Variants in NFIC observed in about 807,000 individuals in gnomAD.
NFIC encodes nuclear factor 1 C-type.
A neutral mutation model predicts 54.4 loss-of-function variants in NFIC; 12 were observed. That is an observed-to-expected ratio of 0.22 (90% CI 0.14 to 0.36). The LOEUF is 0.36. Ranked by LOEUF, NFIC falls within the 10% of genes least tolerant of loss-of-function variation. The pLI, the probability that NFIC is intolerant of heterozygous loss-of-function variation, is 1.00. For synonymous variants in NFIC, 322 were observed against 319.2 expected, an observed-to-expected ratio of 1.01 and a Z score of -0.09; for missense variants, 575 against 718.2, an observed-to-expected ratio of 0.80 and a Z score of 2.28.
Position 3,462,677 on chromosome 19 carries a change from C to G in NFIC, c.1510-75C>G. On this transcript the variant is annotated intron_variant, in intron 10 of 10. Transcript: ENST00000443272. ...GAGCGTGGGAAGAGGTAAACCATGTCTGCAGCAGAGTCTGACCCCTCGACT... is the reference window on the plus strand; with the variant it reads ...GAGCGTGGGAAGAGGTAAACCATGTGTGCAGCAGAGTCTGACCCCTCGACT... The G allele has an allele frequency of 3.9e-6, 6 of 1,529,752 alleles. No homozygotes were observed. The South Asian group carries it at 6.7e-5, about 17-fold the overall frequency. 94.8% of individuals were successfully genotyped at this position (1,529,752 alleles called of 1,614,324 possible).
rs35615324 is a variant in NFIC, at chr19:3,371,937, TTCCC to T, written c.30+5287_30+5290del. On this transcript the variant is annotated intron_variant, in intron 1 of 10. Transcript: ENST00000443272. Reference sequence around the variant, plus strand: ...CTTCCTTCCTTCCTTCCTTCCTTCCTTCCCTCCCTCCCTCCCTCCTTCCTTCTTT... The same window carrying T: ...CTTCCTTCCTTCCTTCCTTCCTTCCTTCCCTCCCTCCCTCCTTCCTTCTTT... Among the ~76,000 whole-genome samples the T allele has an allele frequency of 2.2e-3, 197 of 87,728 alleles. 1 individual carries two copies. The highest frequency in any genetic ancestry group is 0.01 in the Middle Eastern group (2 of 192). The allele number at this position is 87,728 out of a possible 152,430, so 57.6% of individuals were successfully genotyped here.
At chr19:3,425,931 T>A (rs1295527360) in intron 3 of NFIC, among the ~76,000 whole-genome samples, 98 of 122,106 alleles carry the variant, frequency 8.0e-4, no homozygotes, top group Non-Finnish European at 1.4e-3. Flanking sequence ...TTTTTTTTTT[T>A]TTTTTTTTTT....
upstream of NFIC, chr19:3,366,568 T>TGGGGGGGGGGGGG: frequency 1.0e-6 from 1 of 968,812 alleles, no homozygotes; most frequent in Non-Finnish European, 1.5e-6. Flanking sequence ...GGGGGGTGGT[T>TGGGGGGGGGGGGG]TGGAAAAATG....
At chr19:3,441,949 A>T (rs1344510600) in intron 6 of NFIC, among the ~76,000 whole-genome samples, 1 of 151,998 alleles carries the variant, frequency 6.6e-6, no homozygotes, top group Non-Finnish European at 1.5e-5. Context: ...GCCACTCATT[A>T]AGGGGGTTAA....
intron 2 of NFIC, among the ~76,000 whole-genome samples, chr19:3,423,270 A>G (rs1249280754): frequency 6.6e-6 from 1 of 152,146 alleles, no homozygotes; most frequent in Non-Finnish European, 1.5e-5. Context: ...GAGGTCTCCA[A>G]ATGCCCTCAA....
intron 1 of NFIC, among the ~76,000 whole-genome samples, chr19:3,360,672 G>A (rs1380323272): frequency 1.3e-5 from 2 of 152,224 alleles, no homozygotes; most frequent in East Asian, 3.9e-4. Context: ...GTTGTGTTGT[G>A]AGCGCCGCCC....
At chr19:3,359,896 G>A (rs2080787868) in intron 1 of NFIC, among the ~76,000 whole-genome samples, 1 of 150,554 alleles carries the variant, frequency 6.6e-6, no homozygotes, top group South Asian at 2.1e-4. Context: ...TGGCGCGCGG[G>A]GCGCCGCGGG....
chr19:3,459,437 T>A lies in NFIC; in HGVS notation c.1509+2802T>A, dbSNP rs1197209683. 6.6e-6 allele frequency among the ~76,000 whole-genome samples: 1 copy of A among 151,688 alleles called. No homozygotes were observed. Among genetic ancestry groups the A allele is most frequent in the Non-Finnish European group, 1.5e-5 (1 of 68,024 alleles). On this transcript the variant is annotated intron_variant, in intron 10 of 10. Coordinates refer to ENST00000443272, the MANE Select transcript of NFIC (RefSeq NM_001245002.2). This position sits in a 1 kb window ranked among gnomAD's most constrained non-coding sequence, Gnocchi z 4.2. ...CATTTCTCCTGCACGGGAACCCACG[T>A]AAGCAGCTGGGTAAACCGAGGGTGG...
At chr19:3,449,293 G>A (rs886365093) in intron 7 of NFIC, among the ~76,000 whole-genome samples, 154 bp downstream of exon 7, 1 of 152,104 alleles carries the variant, frequency 6.6e-6, no homozygotes, top group Non-Finnish European at 1.5e-5. Flanking sequence ...AGTGGAGAGC[G>A]CCCAGGGCCT....
intron 9 of NFIC, among the ~76,000 whole-genome samples, chr19:3,456,052 C>T (rs998783175): frequency 4.6e-5 from 7 of 152,160 alleles, no homozygotes; most frequent in South Asian, 4.1e-4. Flanking sequence ...GTTACTCACA[C>T]GCCGACAAAA....
intron 3 of NFIC, among the ~76,000 whole-genome samples, chr19:3,426,049 C>T (rs1456002812): frequency 6.6e-5 from 10 of 150,738 alleles, no homozygotes; most frequent in Admixed American, 5.3e-4. Flanking sequence ...ACTCTCCTGC[C>T]TCAGCCTCCT....
At chr19:3,415,186 C>T (rs2081833730) in intron 2 of NFIC, among the ~76,000 whole-genome samples, 2 of 150,266 alleles carry the variant, frequency 1.3e-5, no homozygotes, top group Non-Finnish European at 3.0e-5. Flanking sequence ...GATCTCGGCT[C>T]ACTGCAGCCT....
Position 3,459,313 on chromosome 19 carries a change from C to T in NFIC, c.1509+2678C>T, listed in dbSNP as rs746023184. On this transcript the variant is annotated intron_variant, in intron 10 of 10. Transcript: ENST00000443272. The surrounding 1 kb of genome is among the most constrained non-coding windows in gnomAD (Gnocchi z 4.2). The stretch of plus-strand genomic sequence containing the variant: ...TGATCTCGCCCTGGTCAGTTACCCA[C>T]CCATCGCCCCATGTCCGTCCCTATC... 5.9e-5 allele frequency among the ~76,000 whole-genome samples: 9 copies of T among 151,846 alleles called. No homozygotes were observed. Among genetic ancestry groups the T allele is most frequent in the Non-Finnish European group, 1.0e-4 (7 of 67,956 alleles).
rs1214634239 is a variant in NFIC at position 3,429,253 on chromosome 19, T to TATACACAC, written c.634+4077_634+4078insTACACACA. On this transcript the variant is annotated intron_variant, in intron 3 of 10. Coordinates refer to ENST00000443272, the MANE Select transcript of NFIC (RefSeq NM_001245002.2). Reference sequence around the variant, plus strand: ...CCCCAAAAAAAAAAAAAAAAATATATACACACACACACACACACACACACA... The same window carrying TATACACAC: ...CCCCAAAAAAAAAAAAAAAAATATATATACACACACACACACACACACACACACACACA... Among the ~76,000 whole-genome samples, 2 of 50,798 alleles carry TATACACAC rather than the reference T, an allele frequency of 3.9e-5. 1 individual carries two copies. Among genetic ancestry groups the TATACACAC allele is most frequent in the Admixed American group, 6.1e-4 (2 of 3,302 alleles). 33.3% of individuals were successfully genotyped at this position (50,798 alleles called of 152,430 possible). A position where few individuals can be genotyped will look rare whatever the true frequency, so the allele number is the denominator to read the frequency against.
chr19:3,431,835 G>A (rs1015711626), intron 3 of NFIC, among the ~76,000 whole-genome samples: 2 of 152,210 alleles, frequency 1.3e-5, no homozygotes, highest in African/African-American at 4.8e-5. Flanking sequence ...ATTCCAGTGT[G>A]TGGCTAGACC....
chr19:3,424,813 G>A (rs900333925), intron 2 of NFIC, among the ~76,000 whole-genome samples: 2 of 152,334 alleles, frequency 1.3e-5, no homozygotes, highest in African/African-American at 4.8e-5. Flanking sequence ...TCTTACCCAC[G>A]ACTGAGCCGC....
Position 3,426,231 on chromosome 19 carries a change from CT to C in NFIC, c.634+1064del, listed in dbSNP as rs531487576. The stretch of plus-strand genomic sequence containing the variant: ...TACAGGCATGAGCCACCGCGCCTGG[CT>C]TTTTTTTTTAATTTTTTAAATATTT... On this transcript the variant is annotated intron_variant, in intron 3 of 10. Coordinates refer to ENST00000443272, the MANE Select transcript of NFIC (RefSeq NM_001245002.2). Among the ~76,000 whole-genome samples, 28 of 148,708 alleles carry C rather than the reference CT, an allele frequency of 1.9e-4. No individual in the cohort carries two copies. The South Asian group carries it at 3.6e-3, about 19-fold the overall frequency.
At chr19:3,392,390 T>A (rs1183462411) in intron 2 of NFIC, among the ~76,000 whole-genome samples, 1 of 152,108 alleles carries the variant, frequency 6.6e-6, no homozygotes, top group African/African-American at 2.4e-5. Context: ...ATAATATCTA[T>A]GAAAAAACTA....
At position 3,369,426 on chromosome 19, in the gene NFIC, C is replaced by G. The variant is rs1339740986; in HGVS notation, c.30+2760C>G. ...TCTGGGCCTCCCTCTCCCCCTTTTC[C>G]CAGCTAATTTTACAACCTGAGCCCA... On this transcript the variant is annotated intron_variant, in intron 1 of 10. Coordinates refer to ENST00000443272, the MANE Select transcript of NFIC (RefSeq NM_001245002.2). This position sits in a 1 kb window ranked among gnomAD's most constrained non-coding sequence, Gnocchi z 4.3. Among the ~76,000 whole-genome samples the G allele has an allele frequency of 6.6e-6, 1 of 152,148 alleles. No individual in the cohort carries two copies. The highest frequency in any genetic ancestry group is 2.4e-5 in the African/African-American group (1 of 41,432).
Sources: allele counts gnomAD v4.1 joint callset (sites outside exome capture counted in the v4.1 genomes callset), GRCh38; gene constraint gnomAD v4.1.1; non-coding constraint Gnocchi (gnomAD v3.1); transcripts MANE v1.5; gene names NCBI Gene and HGNC (gene_info 2026-07-23, HGNC 2026-07-21).